DLC1: variants seen among roughly 807,000 people sequenced by gnomAD.
The protein encoded by DLC1 is rho GTPase-activating protein 7.
DLC1 carries 54 observed loss-of-function variants against 140.3 expected under a neutral mutation model. The ratio of observed to expected loss-of-function variants is 0.38; its 90% confidence interval spans 0.31 to 0.48. DLC1 has a LOEUF of 0.48. Ranked by LOEUF, DLC1 falls within the 20% of genes least tolerant of loss-of-function variation. The pLI, the probability that DLC1 is intolerant of heterozygous loss-of-function variation, is 0.96. For missense variants in DLC1, 2,536 were observed against 1,907.0 expected (o/e 1.33, Z -6.14); for synonymous variants, 986 against 728.1 (o/e 1.35, Z -5.70).
chr8:13,286,245 A>G (rs529378664), intron 5 of DLC1, among the ~76,000 whole-genome samples: 8 of 152,166 alleles, frequency 5.3e-5, no homozygotes, highest in Non-Finnish European at 1.2e-4. Flanking sequence ...AATTAGATGT[A>G]TGACTTCACA....
intron 4 of DLC1, among the ~76,000 whole-genome samples, chr8:13,344,631 G>T (rs979936661): frequency 2.0e-5 from 3 of 152,190 alleles, no homozygotes; most frequent in African/African-American, 7.2e-5. Context: ...TCTCTAAAAA[G>T]GCTGGTAGGA....
At chr8:13,123,375 C>G (rs1199644509) in intron 5 of DLC1, among the ~76,000 whole-genome samples, 1 of 151,834 alleles carries the variant, frequency 6.6e-6, no homozygotes, top group Non-Finnish European at 1.5e-5. Context: ...AGTCTCAACT[C>G]TGTCTCCCAG....
chr8:13,141,250 C>G (rs1253502821), intron 5 of DLC1, among the ~76,000 whole-genome samples: 3 of 48,932 alleles, frequency 6.1e-5, no homozygotes, highest in African/African-American at 2.4e-4. Context: ...GTGCAAGAGT[C>G]TGTCTCAAAA....
chr8:13,314,036 C>T (rs746295979), intron 4 of DLC1, among the ~76,000 whole-genome samples: 1 of 151,982 alleles, frequency 6.6e-6, no homozygotes, highest in Non-Finnish European at 1.5e-5. Flanking sequence ...ATCCCTGTAC[C>T]AGAAAATGTA....
chr8:13,455,373 C>T (rs1799335241), intron 2 of DLC1, among the ~76,000 whole-genome samples: 1 of 152,104 alleles, frequency 6.6e-6, no homozygotes, highest in Non-Finnish European at 1.5e-5. Context: ...TGTCCCATGA[C>T]ATTCAGAACA....
At position 13,592,301 on chromosome 8, in the gene DLC1, C is replaced by G. The variant is rs899579575; in HGVS notation, c.-126+12236G>C. Among the ~76,000 whole-genome samples, 3 of 151,994 alleles carry G rather than the reference C, an allele frequency of 2.0e-5. No individual in the cohort carries two copies. In the East Asian group the frequency reaches 5.8e-4, roughly 29 times the overall value. On this transcript the variant is annotated intron_variant, in intron 1 of 1. Coordinates refer to the DLC1 transcript ENST00000631382. Reference sequence around the variant, plus strand: ...TTTTTTATTGAACTATAAGATCTTACCATACATCAGTGACATACCCTCTGT... The same window carrying G: ...TTTTTTATTGAACTATAAGATCTTAGCATACATCAGTGACATACCCTCTGT...
intron 2 of DLC1, among the ~76,000 whole-genome samples, chr8:13,426,196 A>G (rs1165059141): frequency 7.4e-6 from 1 of 134,346 alleles, no homozygotes; most frequent in Admixed American, 7.6e-5. Context: ...TATTCCAAAT[A>G]TTGTCTCTTA....
chr8:13,333,622 G>A (rs919523431), intron 4 of DLC1, among the ~76,000 whole-genome samples: 4 of 152,110 alleles, frequency 2.6e-5, no homozygotes, highest in Admixed American at 6.5e-5. Context: ...TGGCTCTCCT[G>A]CTTGTAACAG....
chr8:13,419,123 A>G lies in DLC1; in HGVS notation c.1024-17504T>C, dbSNP rs550718680. ...CTTAAGGAGATTTTGGGCTGATACA[A>G]TGTGGTTTTCTAGATATACAATCAT... On this transcript the variant is annotated intron_variant, in intron 2 of 17. Coordinates refer to ENST00000276297, the MANE Select transcript of DLC1 (RefSeq NM_182643.3). Among the ~76,000 whole-genome samples, 12 of 152,296 alleles carry G rather than the reference A, an allele frequency of 7.9e-5. No homozygotes were observed. The South Asian group carries it at 1.9e-3, about 24-fold the overall frequency.
chr8:13,155,656 GTCT>G (rs1260294468), intron 5 of DLC1, among the ~76,000 whole-genome samples: 1 of 151,932 alleles, frequency 6.6e-6, no homozygotes, highest in African/African-American at 2.4e-5. Flanking sequence ...CAATTTGAGG[GTCT>G]TCATTATGAC....
chr8:13,276,862 T>G (rs1831194538), intron 5 of DLC1: 1 of 154,040 alleles, frequency 6.5e-6, no homozygotes, highest in African/African-American at 2.4e-5. Flanking sequence ...TCAAGGTTGA[T>G]TCTCAAGAAC....
chr8:13,558,436 C>G (rs572012329), intron 1 of DLC1: 1 of 152,124 alleles, frequency 6.6e-6, no homozygotes, highest in Non-Finnish European at 1.5e-5. Context: ...TGATACACCT[C>G]AAGTTTGAGA....
chr8:13,409,742 A>G (rs1837706496), intron 2 of DLC1, among the ~76,000 whole-genome samples: 1 of 152,168 alleles, frequency 6.6e-6, no homozygotes. Flanking sequence ...GAATGAATAA[A>G]TAGTATTTGT....
intron 5 of DLC1, among the ~76,000 whole-genome samples, chr8:13,121,536 C>T (rs781473647): frequency 1.1e-4 from 17 of 152,018 alleles, no homozygotes; most frequent in African/African-American, 2.7e-4. Flanking sequence ...GCAGGCATTG[C>T]GCTGGGGAGT....
intron 4 of DLC1, among the ~76,000 whole-genome samples, chr8:13,313,072 T>C (rs1462969751): frequency 6.6e-6 from 1 of 152,208 alleles, no homozygotes; most frequent in African/African-American, 2.4e-5. Context: ...GAAATGCTCC[T>C]TCTCACAGGA....
intron 5 of DLC1, among the ~76,000 whole-genome samples, chr8:13,155,394 A>G (rs1041710024): frequency 2.6e-5 from 4 of 152,044 alleles, no homozygotes; most frequent in African/African-American, 9.7e-5. Context: ...GGACATTAAC[A>G]TTCTTAGTTT....
At chr8:13,163,879 T>C (rs977762365) in intron 5 of DLC1, among the ~76,000 whole-genome samples, 2 of 152,202 alleles carry the variant, frequency 1.3e-5, no homozygotes, top group Non-Finnish European at 1.5e-5. Flanking sequence ...TTGTGATGCA[T>C]GCCCAGTCCG....
intron 2 of DLC1, among the ~76,000 whole-genome samples, chr8:13,458,221 G>A (rs1031675894): frequency 6.6e-6 from 1 of 152,178 alleles, no homozygotes; most frequent in African/African-American, 2.4e-5. Flanking sequence ...CAAAATTTGA[G>A]TGTTATGTTT....
intron 2 of DLC1, among the ~76,000 whole-genome samples, chr8:13,472,573 A>G (rs1800257161): frequency 6.6e-6 from 1 of 152,170 alleles, no homozygotes; most frequent in Non-Finnish European, 1.5e-5. Flanking sequence ...GTCCCCTAGG[A>G]CATAGTTGAA....
Sources: allele counts gnomAD v4.1 joint callset (sites outside exome capture counted in the v4.1 genomes callset), GRCh38; gene constraint gnomAD v4.1.1; transcripts MANE v1.5; gene names NCBI Gene and HGNC (gene_info 2026-07-23, HGNC 2026-07-21).